ST6GALNAC5: variants seen among roughly 807,000 people sequenced by gnomAD.
The protein encoded by ST6GALNAC5 is ST6 N-acetylgalactosaminide alpha-2,6-sialyltransferase 5.
ST6GALNAC5 carries 27 observed loss-of-function variants against 33.6 expected under a neutral mutation model. The ratio of observed to expected loss-of-function variants is 0.80; its 90% CI spans 0.59 to 1.11. The LOEUF (loss-of-function observed/expected upper bound fraction) is 1.11, where lower values mean the gene tolerates loss of function less well. ST6GALNAC5 is among the 50% of genes least tolerant of loss of function. ST6GALNAC5 has a pLI of 0.00. For synonymous variants in ST6GALNAC5, 194 were observed against 171.2 expected, an observed-to-expected ratio of 1.13 and a Z score of -1.04; for missense variants, 428 against 454.0, an observed-to-expected ratio of 0.94 and a Z score of 0.52.
chr1:77,052,089 T>C (rs1182368750), intron 4 of ST6GALNAC5, among the ~76,000 whole-genome samples: 1 of 152,216 alleles, frequency 6.6e-6, no homozygotes, highest in African/African-American at 2.4e-5. Context: ...GCATTACATA[T>C]TGCCACTGGC....
intron 2 of ST6GALNAC5, among the ~76,000 whole-genome samples, chr1:76,941,618 T>C (rs1294014616): frequency 6.6e-6 from 1 of 152,008 alleles, no homozygotes; most frequent in African/African-American, 2.4e-5. Flanking sequence ...CAAGTGTCCT[T>C]ACAAGAGACA....
chr1:77,008,372 AT>A (rs1338020235), intron 2 of ST6GALNAC5, among the ~76,000 whole-genome samples: 7 of 152,194 alleles, frequency 4.6e-5, no homozygotes, highest in Admixed American at 3.9e-4. Flanking sequence ...CCTTGGGCAA[AT>A]GACTTAACCT....
chr1:76,885,454 A>G (rs1288396795), intron 2 of ST6GALNAC5, among the ~76,000 whole-genome samples: 5 of 152,214 alleles, frequency 3.3e-5, no homozygotes, highest in African/African-American at 7.2e-5. Flanking sequence ...TGTATACACG[A>G]CATTTAAATG....
chr1:77,051,313 C>A (rs1057113309), intron 4 of ST6GALNAC5, among the ~76,000 whole-genome samples: 2 of 152,062 alleles, frequency 1.3e-5, no homozygotes, highest in Non-Finnish European at 2.9e-5. Context: ...CTTTTTAACC[C>A]AAAGATCCAA....
intron 2 of ST6GALNAC5, among the ~76,000 whole-genome samples, chr1:76,942,446 G>A (rs573428180): frequency 6.6e-6 from 1 of 152,222 alleles, no homozygotes; most frequent in South Asian, 2.1e-4. Flanking sequence ...CATTGGAGCA[G>A]TTGATACCGC....
In ST6GALNAC5 at chr1:76,950,935, G is replaced by A. The variant is rs73001575; in HGVS notation, c.261+82193G>A. ...AGACGAGGAATGTGACTAATCTCAC[G>A]AACCACCTGTGATAAAGAAATCTTT... On this transcript the variant is annotated intron_variant, in intron 2 of 4. Transcript: ENST00000477717. Among the ~76,000 whole-genome samples the A allele has an allele frequency of 7.0e-3, 1,057 of 151,782 alleles. 4 individuals carry two copies. Among genetic ancestry groups the A allele is most frequent in the African/African-American group, 0.021 (858 of 41,372 alleles).
chr1:76,982,113 G>T (rs1398079919), intron 2 of ST6GALNAC5, among the ~76,000 whole-genome samples: 1 of 152,168 alleles, frequency 6.6e-6, no homozygotes, highest in African/African-American at 2.4e-5. Context: ...CTCCTCCAAA[G>T]GATCACAGCT....
At chr1:76,915,403 T>G (rs1032528487) in intron 2 of ST6GALNAC5, among the ~76,000 whole-genome samples, 2 of 152,162 alleles carry the variant, frequency 1.3e-5, no homozygotes, top group African/African-American at 4.8e-5. Context: ...CGTATGTTTA[T>G]TGCGGCACTA....
chr1:76,897,922 C>G (rs1011814259), intron 2 of ST6GALNAC5, among the ~76,000 whole-genome samples: 56 of 152,050 alleles, frequency 3.7e-4, no homozygotes, highest in Non-Finnish European at 1.2e-4. Context: ...GAGTGGGTAG[C>G]CTCCATATTG....
intron 2 of ST6GALNAC5, among the ~76,000 whole-genome samples, chr1:76,967,305 T>A (rs1648536093): frequency 6.6e-6 from 1 of 152,222 alleles, no homozygotes; most frequent in Non-Finnish European, 1.5e-5. Context: ...GAGATTCAAC[T>A]TCTTCCTGGT....
intron 2 of ST6GALNAC5, among the ~76,000 whole-genome samples, chr1:77,035,307 C>T (rs1170622184): frequency 6.6e-6 from 1 of 152,168 alleles, no homozygotes; most frequent in African/African-American, 2.4e-5. Flanking sequence ...CTAACCTTAG[C>T]TAGCAAAATT....
intron 4 of ST6GALNAC5, among the ~76,000 whole-genome samples, chr1:77,057,130 G>C (rs1034970316): frequency 6.6e-6 from 1 of 152,030 alleles, no homozygotes; most frequent in Non-Finnish European, 1.5e-5. Context: ...TATATGCCAG[G>C]TACTGCACCA....
intron 2 of ST6GALNAC5, among the ~76,000 whole-genome samples, chr1:77,006,136 GT>G (rs34812424): frequency 1.3e-5 from 2 of 151,508 alleles, no homozygotes; most frequent in African/African-American, 4.8e-5. Flanking sequence ...GAAATGTGTA[GT>G]TTTTTTTGTT....
chr1:77,053,770 T>C (rs6682562), intron 4 of ST6GALNAC5, among the ~76,000 whole-genome samples: 6,601 of 152,208 alleles, frequency 0.043, 162 homozygotes, highest in Middle Eastern at 0.095. Flanking sequence ...AGTTATGGGG[T>C]GAAAGGATTC....
chr1:76,897,126 GCC>G (rs773013247), intron 2 of ST6GALNAC5, among the ~76,000 whole-genome samples: 5,821 of 152,224 alleles, frequency 0.038, 254 homozygotes, highest in African/African-American at 0.11. Flanking sequence ...AATGGGGGCT[GCC>G]TGTGAAGCTT....
chr1:76,989,450 T>C (rs1380697951), intron 2 of ST6GALNAC5, among the ~76,000 whole-genome samples: 2 of 152,148 alleles, frequency 1.3e-5, no homozygotes, highest in Non-Finnish European at 2.9e-5. Flanking sequence ...TCCAAATTCA[T>C]GGCAAGACAT....
chr1:76,875,560 A>C (rs1235705844), intron 2 of ST6GALNAC5, among the ~76,000 whole-genome samples: 1 of 152,136 alleles, frequency 6.6e-6, no homozygotes, highest in Non-Finnish European at 1.5e-5. Flanking sequence ...CTCTCAGTTT[A>C]ATGGAATCAT....
intron 2 of ST6GALNAC5, among the ~76,000 whole-genome samples, chr1:77,035,093 A>G (rs1651602136): frequency 2.0e-5 from 3 of 152,172 alleles, no homozygotes; most frequent in Admixed American, 1.3e-4. Flanking sequence ...GGGCCCCATC[A>G]TGGAGCATCT....
At chr1:76,911,909 TAC>T (rs1235036424) in intron 2 of ST6GALNAC5, among the ~76,000 whole-genome samples, 33 of 152,174 alleles carry the variant, frequency 2.2e-4, no homozygotes, top group Admixed American at 7.9e-4. Flanking sequence ...AAGGGCTTTT[TAC>T]GTCTCTATTT....
Sources: allele counts gnomAD v4.1 joint callset (sites outside exome capture counted in the v4.1 genomes callset), GRCh38; gene constraint gnomAD v4.1.1; transcripts MANE v1.5; gene names NCBI Gene and HGNC (gene_info 2026-07-23, HGNC 2026-07-21).